Variants in ZMYM2 observed in about 807,000 individuals in gnomAD.
The protein encoded by ZMYM2 is zinc finger MYM-type containing 2.
In ZMYM2, 56 loss-of-function variants were observed where a neutral mutation model predicts 162.8. The observed-to-expected ratio is 0.34, with a 90% CI of 0.28 to 0.43. The LOEUF is 0.43. Ranked by LOEUF, ZMYM2 falls within the 20% of genes least tolerant of loss-of-function variation. The pLI, the probability that ZMYM2 is intolerant of heterozygous loss-of-function variation, is 1.00. For missense variants in ZMYM2, 1,275 were observed against 1,621.8 expected (o/e 0.79, Z 3.67); for synonymous variants, 510 against 541.6 (o/e 0.94, Z 0.81).
At chr13:19,937,745 G>A in the ZMYM2 span, among the ~76,000 whole-genome samples, 34 of 150,536 alleles carry the variant, frequency 2.3e-4, no homozygotes, top group Non-Finnish European at 5.9e-5. Context: ...CCATTAACTC[G>A]TCATTTAGCA....
At chr13:19,867,946 A>G in the ZMYM2 span, among the ~76,000 whole-genome samples, 17 of 152,184 alleles carry the variant, frequency 1.1e-4, no homozygotes, top group Non-Finnish European at 2.4e-4. Context: ...TTTATCTAAG[A>G]CTGCTGAGAT....
At chr13:20,022,124 T>G (rs180864384) in intron 7 of ZMYM2, among the ~76,000 whole-genome samples, 144 of 152,336 alleles carry the variant, frequency 9.5e-4, no homozygotes, top group African/African-American at 3.0e-3. Context: ...AACCATTGTT[T>G]TTTTGTGTGT....
At chr13:20,083,371 A>AT (rs1312824752) in intron 23 of ZMYM2, among the ~76,000 whole-genome samples, 11 of 152,178 alleles carry the variant, frequency 7.2e-5, no homozygotes, top group Non-Finnish European at 1.3e-4. Flanking sequence ...CCAGATTTCT[A>AT]TTTTGGGATT....
chr13:20,064,755 AATT>A (rs1196420843), intron 19 of ZMYM2, among the ~76,000 whole-genome samples: 3 of 151,488 alleles, frequency 2.0e-5, no homozygotes, highest in South Asian at 2.1e-4. Context: ...TAGAAATAGT[AATT>A]ATTACTATTT....
At chr13:19,968,843 T>C (rs920027804) in intron 2 of ZMYM2, among the ~76,000 whole-genome samples, 1 of 152,186 alleles carries the variant, frequency 6.6e-6, no homozygotes, top group South Asian at 2.1e-4. Context: ...AAAAATCAAG[T>C]AGGAAGTGTG....
chr13:19,916,744 G>A, the ZMYM2 span, among the ~76,000 whole-genome samples: 1 of 152,012 alleles, frequency 6.6e-6, no homozygotes, highest in African/African-American at 2.4e-5. Context: ...GATAGCATTC[G>A]GAGAAATACC....
chr13:19,916,517 A>G, the ZMYM2 span, among the ~76,000 whole-genome samples: 356 of 152,312 alleles, frequency 2.3e-3, 3 homozygotes, highest in African/African-American at 7.5e-3. Context: ...ATACACAATG[A>G]AATACTATGC....
At chr13:19,911,433 A>C in the ZMYM2 span, among the ~76,000 whole-genome samples, 3 of 152,208 alleles carry the variant, frequency 2.0e-5, no homozygotes, top group Admixed American at 1.3e-4. Flanking sequence ...ACCTTGAGGA[A>C]GAAACTTGGT....
chr13:20,036,542 C>T (rs1476440410), intron 11 of ZMYM2, among the ~76,000 whole-genome samples, 195 bp from the exon 12 acceptor site: 1 of 151,974 alleles, frequency 6.6e-6, no homozygotes. Flanking sequence ...TATTTTAACC[C>T]ACATGTTAGA....
intron 6 of ZMYM2, among the ~76,000 whole-genome samples, chr13:20,018,041 C>T (rs1473396937): frequency 6.6e-6 from 1 of 152,128 alleles, no homozygotes; most frequent in Non-Finnish European, 1.5e-5. Flanking sequence ...TACTTGGCCT[C>T]TCTACATCTG....
At chr13:20,048,988 G>A (rs1237344668) in intron 12 of ZMYM2, among the ~76,000 whole-genome samples, 1 of 151,912 alleles carries the variant, frequency 6.6e-6, no homozygotes, top group Non-Finnish European at 1.5e-5. Context: ...TTAGAGTGGA[G>A]TTGTGTTGGT....
intron 12 of ZMYM2, among the ~76,000 whole-genome samples, chr13:20,040,954 G>A (rs147443670): frequency 3.2e-4 from 49 of 152,254 alleles, no homozygotes; most frequent in African/African-American, 1.0e-3. Context: ...TGATTGTACT[G>A]TGATCCAAGA....
intron 21 of ZMYM2, among the ~76,000 whole-genome samples, chr13:20,080,491 CT>C (rs377755390): frequency 6.4e-4 from 93 of 145,888 alleles, no homozygotes; most frequent in East Asian, 9.9e-4. Flanking sequence ...ATATCTGTCT[CT>C]TTTTTTTTTT....
intron 12 of ZMYM2, among the ~76,000 whole-genome samples, chr13:20,049,770 A>C (rs1955146668): frequency 6.6e-6 from 1 of 152,030 alleles, no homozygotes; most frequent in Admixed American, 6.6e-5. Flanking sequence ...GAGTAGATAC[A>C]ATGGGTTTGG....
At chr13:20,021,910 C>A (rs1033615472) in intron 7 of ZMYM2, among the ~76,000 whole-genome samples, 6 of 152,166 alleles carry the variant, frequency 3.9e-5, no homozygotes, top group Non-Finnish European at 8.8e-5. Flanking sequence ...GCTCCATCAT[C>A]ATCAGTACTC....
intron 2 of ZMYM2, among the ~76,000 whole-genome samples, chr13:19,971,554 G>C (rs1956339971): frequency 6.6e-6 from 1 of 151,856 alleles, no homozygotes; most frequent in Admixed American, 6.6e-5. Flanking sequence ...ACAGGCATGA[G>C]TCACCATGCC....
At chr13:20,057,871 A>G (rs1246960759) in intron 14 of ZMYM2, among the ~76,000 whole-genome samples, 3 of 152,046 alleles carry the variant, frequency 2.0e-5, no homozygotes, top group Admixed American at 2.0e-4. Context: ...ATGTACCTAC[A>G]TTTTCTCCGT....
the ZMYM2 span, among the ~76,000 whole-genome samples, chr13:19,933,201 A>G: frequency 5.9e-5 from 9 of 152,262 alleles, no homozygotes; most frequent in East Asian, 1.7e-3. Flanking sequence ...ATCCTCCCAC[A>G]TTGGCCTCCA....
At chr13:20,047,526 T>C (rs1033567936) in intron 12 of ZMYM2, among the ~76,000 whole-genome samples, 1 of 152,198 alleles carries the variant, frequency 6.6e-6, no homozygotes, top group African/African-American at 2.4e-5. Flanking sequence ...CCAATCTGGC[T>C]ATTATTTCAT....
Sources: gnomAD v4.1 joint callset for allele counts (sites outside exome capture counted in the v4.1 genomes callset) on GRCh38, gnomAD v4.1.1 for gene constraint, MANE v1.5 for transcripts, NCBI Gene and HGNC (gene_info 2026-07-23, HGNC 2026-07-21) for gene names.